PFKFB3: variants seen among roughly 807,000 people sequenced by gnomAD.
The protein encoded by PFKFB3 is 6-phosphofructo-2-kinase/fructose-2,6-bisphosphatase 3.
In PFKFB3, 33 loss-of-function variants were observed where a neutral mutation model predicts 68.0. The ratio of observed to expected loss-of-function variants is 0.49; its 90% confidence interval spans 0.37 to 0.65. The LOEUF is 0.65. Among genes scored for constraint, PFKFB3 ranks in the 30% least tolerant of loss-of-function variants. The pLI, the probability that PFKFB3 is intolerant of heterozygous loss-of-function variation, is 0.00. For missense variants in PFKFB3, 586 were observed against 712.2 expected (o/e 0.82, Z 2.02); for synonymous variants, 315 against 288.2 (o/e 1.09, Z -0.94).
At chr10:6,287,372 G>A in the PFKFB3 span, among the ~76,000 whole-genome samples, 5,744 of 152,276 alleles carry the variant, frequency 0.038, 167 homozygotes, top group Middle Eastern at 0.16. Context: ...TTACAGGCAC[G>A]AGCCACTGAA....
intron 1 of PFKFB3, chr10:6,163,889 G>C (rs936011874): frequency 6.6e-6 from 1 of 152,270 alleles, no homozygotes; most frequent in Non-Finnish European, 1.5e-5. Context: ...TGAGCTCCGC[G>C]TGGATCCGGC....
the PFKFB3 span, among the ~76,000 whole-genome samples, chr10:6,313,177 A>G: frequency 6.6e-6 from 1 of 152,232 alleles, no homozygotes; most frequent in South Asian, 2.1e-4. This position sits in a 1 kb window ranked among gnomAD's most constrained non-coding sequence, Gnocchi z 4.2. Flanking sequence ...AATGTCCGTG[A>G]CATGATTTCA....
chr10:6,300,395 A>G, the PFKFB3 span, among the ~76,000 whole-genome samples: 1 of 152,146 alleles, frequency 6.6e-6, no homozygotes, highest in Non-Finnish European at 1.5e-5. Flanking sequence ...AGGAATAGGT[A>G]GTAGATTCTA....
Position 6,234,808 on chromosome 10 carries a change from T to C in PFKFB3, c.*1866T>C, listed in dbSNP as rs1206246701. On this transcript the variant is annotated 3_prime_UTR_variant, in exon 15 of 15. Transcript: ENST00000379775. ...TCTGAAGTTTGATACAGATAGGGGCTTGATAGCTGTGGTCCCCTCTCCCCT... is the reference window on the plus strand; with the variant it reads ...TCTGAAGTTTGATACAGATAGGGGCCTGATAGCTGTGGTCCCCTCTCCCCT... 2.0e-5 allele frequency: 3 copies of C among 152,324 alleles called. No homozygotes were observed. The highest frequency in any genetic ancestry group is 4.4e-5 in the Non-Finnish European group (3 of 68,040). 9.4% of individuals were successfully genotyped at this position (152,324 alleles called of 1,614,324 possible).
At chr10:6,248,216 C>A (rs531319109) in intron 14 of PFKFB3, among the ~76,000 whole-genome samples, 10 of 152,286 alleles carry the variant, frequency 6.6e-5, no homozygotes, top group Non-Finnish European at 1.2e-4. Context: ...TTTTCCTGGG[C>A]CAATATAAAG....
chr10:6,225,937 G>A (rs1408588232), intron 13 of PFKFB3, among the ~76,000 whole-genome samples: 4 of 152,156 alleles, frequency 2.6e-5, no homozygotes, highest in East Asian at 1.9e-4. Context: ...TGCAAGCACC[G>A]TGTTTGTCTG....
At chr10:6,209,987 T>A (rs2516616) in intron 1 of PFKFB3, among the ~76,000 whole-genome samples, 3 of 145,656 alleles carry the variant, frequency 2.1e-5, no homozygotes, top group Non-Finnish European at 4.6e-5. Context: ...CTCCTGACCT[T>A]GTGATCCGCC....
chr10:6,226,958 C>T lies in PFKFB3; in HGVS notation c.1515+593C>T, dbSNP rs982679629. 3.9e-5 allele frequency among the ~76,000 whole-genome samples: 6 copies of T among 152,026 alleles called. No homozygotes were observed. In the South Asian group the frequency reaches 6.2e-4, roughly 16 times the overall value. ...GAAATTAGCCAGGTGTGGAGGCGGG[C>T]GCCTGTAATCCCAGCTTCTCAGGAG... is the stretch of plus-strand genomic sequence containing the variant. On this transcript the variant is annotated intron_variant, in intron 14 of 14. Transcript: ENST00000379775.
chr10:6,299,418 C>T, the PFKFB3 span, among the ~76,000 whole-genome samples: 3 of 152,162 alleles, frequency 2.0e-5, no homozygotes, highest in South Asian at 2.1e-4. Flanking sequence ...CTCACTGGCA[C>T]GTGCTGGGTC....
At chr10:6,280,929 T>A in the PFKFB3 span, among the ~76,000 whole-genome samples, 119,942 of 150,520 alleles carry the variant, frequency 0.8, 50,902 homozygotes, top group Non-Finnish European at 0.97. Context: ...TGAACCCAAT[T>A]TGTAGTCTTT....
chr10:6,301,360 G>A, the PFKFB3 span, among the ~76,000 whole-genome samples: 1 of 152,156 alleles, frequency 6.6e-6, no homozygotes, highest in Admixed American at 6.5e-5. Flanking sequence ...TCATAAAGGT[G>A]CATTTCCTTC....
the PFKFB3 span, among the ~76,000 whole-genome samples, chr10:6,281,592 T>TC: frequency 1.3e-5 from 2 of 151,898 alleles, no homozygotes; most frequent in Non-Finnish European, 2.9e-5. Context: ...CCACTGTTTT[T>TC]CCCCCACCCT....
At chr10:6,223,748 C>T (rs777081878) in intron 11 of PFKFB3, among the ~76,000 whole-genome samples, 39 of 152,194 alleles carry the variant, frequency 2.6e-4, no homozygotes, top group Non-Finnish European at 4.6e-4. Context: ...TCCTGAGTAG[C>T]TGGGATTATA....
At chr10:6,258,133 A>G (rs1846509134), downstream of PFKFB3, among the ~76,000 whole-genome samples, 1 of 152,226 alleles carries the variant, frequency 6.6e-6, no homozygotes. Context: ...TCTTCATGGT[A>G]AGCACTGAGT....
At chr10:6,266,816 A>G in the PFKFB3 span, among the ~76,000 whole-genome samples, 2 of 152,250 alleles carry the variant, frequency 1.3e-5, no homozygotes, top group East Asian at 3.8e-4. Context: ...AATAAAGGGC[A>G]AGGGGTCCCT....
At chr10:6,254,558 A>G (rs1846459044) in exon 15 of PFKFB3, 4 of 391,834 alleles carry the variant, frequency 1.0e-5, no homozygotes, top group Non-Finnish European at 1.8e-5. Flanking sequence ...CGCATTTTGT[A>G]GAAGTGGAAA....
At chr10:6,311,304 G>A in the PFKFB3 span, among the ~76,000 whole-genome samples, 210 of 152,152 alleles carry the variant, frequency 1.4e-3, no homozygotes, top group African/African-American at 4.8e-3. Flanking sequence ...TGCATGGGCC[G>A]CCATGGAAAA....
chr10:6,323,622 C>T, the PFKFB3 span, among the ~76,000 whole-genome samples: 1 of 152,194 alleles, frequency 6.6e-6, no homozygotes, highest in Non-Finnish European at 1.5e-5. Flanking sequence ...GAGAAATTTA[C>T]TTCAACTGGC....
chr10:6,287,710 TGTCC>T, the PFKFB3 span, among the ~76,000 whole-genome samples: 1 of 152,190 alleles, frequency 6.6e-6, no homozygotes, highest in Non-Finnish European at 1.5e-5. Flanking sequence ...TCCTCCCTCT[TGTCC>T]GTTATATGAT....
Sources: gnomAD v4.1 joint callset for allele counts (sites outside exome capture counted in the v4.1 genomes callset) on GRCh38, gnomAD v4.1.1 for gene constraint, Gnocchi (gnomAD v3.1) non-coding constraint, MANE v1.5 for transcripts, NCBI Gene and HGNC (gene_info 2026-07-23, HGNC 2026-07-21) for gene names.